The following CCR2 variants were observed in gnomAD, a reference collection of about 807,000 sequenced individuals.
CCR2 encodes the protein C-C motif chemokine receptor 2.
For synonymous variants in CCR2, 183 were observed against 177.1 expected (o/e 1.03, Z -0.27); for missense variants, 408 against 440.0 (o/e 0.93, Z 0.65).
Position 46,358,829 on chromosome 3 carries a change from A to G in CCR2, c.*219A>G, listed in dbSNP as rs1003651330. On this transcript the variant is annotated 3_prime_UTR_variant, in exon 2 of 2. Transcript: ENST00000445132. ...TGGGTAGAGACTTTGACTCTCCAGA[A>G]AGCTCATCTCAGCTCCTGAAAAATG... is the stretch of plus-strand genomic sequence containing the variant. 7.5e-7 allele frequency: 1 copy of G among 1,326,882 alleles called. No homozygotes were observed. Among genetic ancestry groups the G allele is most frequent in the Non-Finnish European group, 9.7e-7 (1 of 1,031,058 alleles). 82.2% of individuals were successfully genotyped at this position (1,326,882 alleles called of 1,614,324 possible).
Position 46,359,656 on chromosome 3 carries a change from A to G in CCR2, c.*1046A>G, listed in dbSNP as rs1370062381. ...TTTTCCCTGCCTTGCCACTCCCCTC[A>G]CTCTTCTCTTTTCCCCACAGCCTTT... On this transcript the variant is annotated 3_prime_UTR_variant, in exon 2 of 2. Transcript: ENST00000445132. 1 of 1,599,882 alleles carries G rather than the reference A, an allele frequency of 6.3e-7. No homozygotes were observed. The highest frequency in any genetic ancestry group is 8.5e-7 in the Non-Finnish European group (1 of 1,175,322).
intron 1 of CCR2, among the ~76,000 whole-genome samples, chr3:46,355,919 A>G (rs1701443795): frequency 6.6e-6 from 1 of 152,218 alleles, no homozygotes; most frequent in Admixed American, 6.5e-5. Flanking sequence ...TGGCTCCAAA[A>G]ACTGGCTCCT....
At chr3:46,354,418 C>T (rs1019832439) in intron 1 of CCR2, among the ~76,000 whole-genome samples, 1 of 152,100 alleles carries the variant, frequency 6.6e-6, no homozygotes, top group Non-Finnish European at 1.5e-5. Context: ...GAGGCCAGGA[C>T]AGCCACTCTG....
Position 46,358,176 on chromosome 3 carries a change from A to G in CCR2, c.649A>G (p.Ile217Val), listed in dbSNP as rs1439242955. Residue 217 changes from isoleucine (I) to valine (V), a missense_variant, in exon 2 of 2, where the codon ATC becomes GTC. Transcript: ENST00000445132. ...TTTGGGGCTGGTCCTGCCGCTGCTC[A>G]TCATGGTCATCTGCTACTCGGGAAT... ...NILGLVLPLL[I>V]MVICYSGILK... is the part of the protein sequence containing the mutation. The G allele has an allele frequency of 2.5e-6, 4 of 1,614,188 alleles. No individual in the cohort carries two copies. Among genetic ancestry groups the G allele is most frequent in the Admixed American group, 1.7e-5 (1 of 60,020 alleles).
chr3:46,357,525 A>C lies in CCR2; in HGVS notation c.-3A>C. 1 of 1,612,566 alleles carries C rather than the reference A, an allele frequency of 6.2e-7. No individual in the cohort carries two copies. Among genetic ancestry groups the C allele is most frequent in the Non-Finnish European group, 8.5e-7 (1 of 1,178,682 alleles). ...GGACGCATTTCCCCAGTACATCCAC[A>C]ACATGCTGTCCACATCTCGTTCTCG... On this transcript the variant is annotated 5_prime_UTR_variant, in exon 2 of 2. Coordinates refer to ENST00000445132, the MANE Select transcript of CCR2 (RefSeq NM_001123396.4).
Position 46,359,381 on chromosome 3 carries a change from A to G in CCR2, c.*771A>G, listed in dbSNP as rs2106724393. ...GAAAATTTTTGTTTATAAAAGATGC[A>G]TTATCTATGATATGCTAATATATGT... On this transcript the variant is annotated 3_prime_UTR_variant, in exon 2 of 2. Transcript: ENST00000445132. 1 of 1,069,112 alleles carries G rather than the reference A, an allele frequency of 9.4e-7. No individual in the cohort carries two copies. The highest frequency in any genetic ancestry group is 1.1e-6 in the Non-Finnish European group (1 of 878,254). The allele number at this position is 1,069,112 out of a possible 1,614,324, so 66.2% of individuals were successfully genotyped here. A position where few individuals can be genotyped will look rare whatever the true frequency, so the allele number is the denominator to read the frequency against.
chr3:46,358,344 G>T lies in CCR2; in HGVS notation c.817G>T (p.Gly273Cys), dbSNP rs201184651. The change falls in exon 2 of 2, where the codon GGC becomes TGC. Residue 273 changes from glycine to cysteine, a missense_variant. Coordinates refer to ENST00000445132, the MANE Select transcript of CCR2 (RefSeq NM_001123396.4). ...ILLNTFQEFF[G>C]LSNCESTSQL... ...CCTGAACACCTTCCAGGAATTCTTC[G>T]GCCTGAGTAACTGTGAAAGCACCAG... is the stretch of plus-strand genomic sequence containing the variant. 136 of 1,613,958 alleles carry T rather than the reference G, an allele frequency of 8.4e-5. No individual in the cohort carries two copies. Among genetic ancestry groups the T allele is most frequent in the Non-Finnish European group, 1.1e-4 (131 of 1,180,018 alleles).
At position 46,359,677 on chromosome 3, in the gene CCR2, C is replaced by A. The variant is rs960590644; in HGVS notation, c.*1067C>A. ...CCTCACTCTTCTCTTTTCCCCACAGCCTTTTTCACATAGCTCTTGGCTGTA... is the reference window on the plus strand; with the variant it reads ...CCTCACTCTTCTCTTTTCCCCACAGACTTTTTCACATAGCTCTTGGCTGTA... On this transcript the variant is annotated 3_prime_UTR_variant, in exon 2 of 2. Transcript: ENST00000445132. The A allele has an allele frequency of 1.2e-6, 2 of 1,607,958 alleles. No individual in the cohort carries two copies. Among genetic ancestry groups the A allele is most frequent in the African/African-American group, 1.3e-5 (1 of 74,394 alleles).
rs1701489272 is a variant in CCR2 at position 46,358,130 on chromosome 3, C to A, written c.603C>A (p.Phe201Leu). The change falls in exon 2 of 2, where the codon TTC becomes TTA. Residue 201 changes from phenylalanine (F) to leucine (L), a missense_variant. Coordinates refer to ENST00000445132, the MANE Select transcript of CCR2 (RefSeq NM_001123396.4). ...GPYFPRGWNN[F>L]HTIMRNILGL... ...ATTTTCCACGAGGATGGAATAATTT[C>A]CACACAATAATGAGGAACATTTTGG... is the stretch of plus-strand genomic sequence containing the variant. The A allele has an allele frequency of 1.9e-6, 3 of 1,613,988 alleles. No homozygotes were observed. Among genetic ancestry groups the A allele is most frequent in the African/African-American group, 2.7e-5 (2 of 74,904 alleles).
In CCR2 at chr3:46,359,077, G is replaced by T; in HGVS notation, c.*467G>T. 1 of 1,011,824 alleles carries T rather than the reference G, an allele frequency of 9.9e-7. No individual in the cohort carries two copies. The highest frequency in any genetic ancestry group is 5.5e-5 in the Admixed American group (1 of 18,228). 62.7% of individuals were successfully genotyped at this position (1,011,824 alleles called of 1,614,324 possible). A position where few individuals can be genotyped will look rare whatever the true frequency, so the allele number is the denominator to read the frequency against. The stretch of plus-strand genomic sequence containing the variant: ...GGACAAAGACAAAGGTGAGCAAAGG[G>T]CTCACGCATTCAGCCAGGAGATGAT... On this transcript the variant is annotated 3_prime_UTR_variant, in exon 2 of 2. Coordinates refer to ENST00000445132, the MANE Select transcript of CCR2 (RefSeq NM_001123396.4).
In CCR2 at chr3:46,359,065, G is replaced by T; in HGVS notation, c.*455G>T. 9.9e-7 allele frequency: 1 copy of T among 1,014,280 alleles called. No individual in the cohort carries two copies. The highest frequency in any genetic ancestry group is 1.2e-6 in the Non-Finnish European group (1 of 838,264). 62.8% of individuals were successfully genotyped at this position (1,014,280 alleles called of 1,614,324 possible). A position where few individuals can be genotyped will look rare whatever the true frequency, so the allele number is the denominator to read the frequency against. ...ATGGCTGAGCCTGGACAAAGACAAA[G>T]GTGAGCAAAGGGCTCACGCATTCAG... On this transcript the variant is annotated 3_prime_UTR_variant, in exon 2 of 2. Coordinates refer to ENST00000445132, the MANE Select transcript of CCR2 (RefSeq NM_001123396.4).
chr3:46,359,232 G>T lies in CCR2; in HGVS notation c.*622G>T. ...ATGATTCTCTTTTGCATAAGTGCAT[G>T]ACATATTTTTGCTTTATTACAGTTT... is the stretch of plus-strand genomic sequence containing the variant. On this transcript the variant is annotated 3_prime_UTR_variant, in exon 2 of 2. Transcript: ENST00000445132. The T allele has an allele frequency of 9.9e-7, 1 of 1,006,036 alleles. No individual in the cohort carries two copies. Among genetic ancestry groups the T allele is most frequent in the South Asian group, 4.6e-5 (1 of 21,714 alleles). 62.3% of individuals were successfully genotyped at this position (1,006,036 alleles called of 1,614,324 possible).
rs375821125 is a variant in CCR2, at chr3:46,358,195, C to T, written c.668C>T (p.Ser223Leu). Reference sequence around the variant, plus strand: ...CTGCTCATCATGGTCATCTGCTACTCGGGAATCCTGAAAACCCTGCTTCGG... The same window carrying T: ...CTGCTCATCATGGTCATCTGCTACTTGGGAATCCTGAAAACCCTGCTTCGG... ...LPLLIMVICY[S>L]GILKTLLRCR... The change falls in exon 2 of 2, where the codon TCG becomes TTG. Residue 223 changes from serine (S) to leucine (L), a missense_variant. Transcript: ENST00000445132. 20 of 1,614,158 alleles carry T rather than the reference C, an allele frequency of 1.2e-5. 1 individual carries two copies. The highest frequency in any genetic ancestry group is 8.8e-5 in the South Asian group (8 of 91,070).
intron 1 of CCR2, among the ~76,000 whole-genome samples, 179 bp downstream of exon 1, chr3:46,354,356 C>A (rs565893556): frequency 6.6e-6 from 1 of 152,226 alleles, no homozygotes; most frequent in African/African-American, 2.4e-5. Context: ...GTTAGAGAAA[C>A]CCTGAGGAAG....
chr3:46,354,668 A>G (rs1196885612), intron 1 of CCR2, among the ~76,000 whole-genome samples: 1 of 152,232 alleles, frequency 6.6e-6, no homozygotes, highest in Non-Finnish European at 1.5e-5. Context: ...CTAGGACAGC[A>G]CATTTCAGGC....
intron 1 of CCR2, among the ~76,000 whole-genome samples, chr3:46,356,187 G>A (rs1054083531): frequency 6.6e-6 from 1 of 152,344 alleles, no homozygotes; most frequent in South Asian, 2.1e-4. Flanking sequence ...CAACTCTAAG[G>A]CTTAGGGGAA....
At chr3:46,356,799 T>A (rs374543178) in intron 1 of CCR2, among the ~76,000 whole-genome samples, 2 of 151,924 alleles carry the variant, frequency 1.3e-5, no homozygotes, top group East Asian at 3.9e-4. Flanking sequence ...ACGCCTATAG[T>A]CCCATCTACT....
In CCR2 at chr3:46,358,013, G is replaced by A. The variant is rs1180128491; in HGVS notation, c.486G>A (p.Val162=). The change falls in exon 2 of 2, where the codon GTG becomes GTA. Residue 162 remains valine (V), a synonymous_variant. Coordinates refer to ENST00000445132, the MANE Select transcript of CCR2 (RefSeq NM_001123396.4). ...RTVTFGVVTS[V]ITWLVAVFAS... ...TCACCTTTGGGGTGGTGACAAGTGT[G>A]ATCACCTGGTTGGTGGCTGTGTTTG... 8 of 1,614,170 alleles carry A rather than the reference G, an allele frequency of 5.0e-6. No homozygotes were observed. Among genetic ancestry groups the A allele is most frequent in the Non-Finnish European group, 6.8e-6 (8 of 1,180,004 alleles).
chr3:46,359,704 G>A lies in CCR2; in HGVS notation c.*1094G>A, dbSNP rs761196602. ...TTTTTCACATAGCTCTTGGCTGTAGGATTGCCCCACTCCAAAAACCAGTGT... is the reference window on the plus strand; with the variant it reads ...TTTTTCACATAGCTCTTGGCTGTAGAATTGCCCCACTCCAAAAACCAGTGT... On this transcript the variant is annotated 3_prime_UTR_variant, in exon 2 of 2. Coordinates refer to ENST00000445132, the MANE Select transcript of CCR2 (RefSeq NM_001123396.4). The A allele has an allele frequency of 1.2e-6, 2 of 1,613,630 alleles. No individual in the cohort carries two copies. Among genetic ancestry groups the A allele is most frequent in the African/African-American group, 1.3e-5 (1 of 75,008 alleles).
Sources: allele counts gnomAD v4.1 joint callset (sites outside exome capture counted in the v4.1 genomes callset), GRCh38; gene constraint gnomAD v4.1.1; transcripts MANE v1.5; gene names NCBI Gene and HGNC (gene_info 2026-07-23, HGNC 2026-07-21).